ZNF610: variants seen among roughly 807,000 people sequenced by gnomAD.
ZNF610 encodes the protein zinc finger protein 610.
Under a neutral mutation model 14.1 loss-of-function variants are expected in ZNF610, and 14 were observed. That is an observed-to-expected ratio of 0.99 (90% CI 0.65 to 1.55). The LOEUF (loss-of-function observed/expected upper bound fraction) is 1.55. Among genes scored for constraint, ZNF610 ranks in the 40% most tolerant of loss-of-function variants. ZNF610 has a pLI of 0.00. For synonymous variants in ZNF610, 185 were observed against 187.6 expected (o/e 0.99, Z 0.11); for missense variants, 530 against 558.0 (o/e 0.95, Z 0.51).
intron 5 of ZNF610, among the ~76,000 whole-genome samples, chr19:52,360,271 A>T (rs1001935616): frequency 3.3e-5 from 5 of 152,182 alleles, no homozygotes; most frequent in African/African-American, 1.2e-4. Context: ...CTGTTTCCTG[A>T]GTTCTGCCCT....
At chr19:52,358,284 A>C (rs1985624768) in intron 5 of ZNF610, among the ~76,000 whole-genome samples, 1 of 152,150 alleles carries the variant, frequency 6.6e-6, no homozygotes, top group Non-Finnish European at 1.5e-5. Flanking sequence ...CCCGGGTTCA[A>C]GCGATTCTCC....
At chr19:52,354,869 A>G (rs1196560728) in intron 5 of ZNF610, among the ~76,000 whole-genome samples, 4 of 151,938 alleles carry the variant, frequency 2.6e-5, no homozygotes, top group African/African-American at 9.7e-5. Context: ...GTGAGCCACC[A>G]CACCCAGCCC....
intron 5 of ZNF610, among the ~76,000 whole-genome samples, chr19:52,365,424 C>T (rs1479150981): frequency 6.6e-6 from 1 of 152,070 alleles, no homozygotes; most frequent in African/African-American, 2.4e-5. Context: ...GAGGCTCATC[C>T]CTGCTTTTTC....
At chr19:52,340,318 GGTT>G (rs1984622393) in intron 1 of ZNF610, among the ~76,000 whole-genome samples, 3 of 152,158 alleles carry the variant, frequency 2.0e-5, no homozygotes, top group South Asian at 2.1e-4. Flanking sequence ...TGGAGGCAGA[GGTT>G]GTGGTGAGCT....
chr19:52,357,791 C>T (rs1052853712), intron 5 of ZNF610, among the ~76,000 whole-genome samples: 2 of 152,088 alleles, frequency 1.3e-5, no homozygotes, highest in Non-Finnish European at 2.9e-5. Context: ...GCACTGCAGC[C>T]TGGCTGACAC....
intron 5 of ZNF610, among the ~76,000 whole-genome samples, chr19:52,364,729 C>T (rs1985936530): frequency 6.6e-6 from 1 of 152,162 alleles, no homozygotes; most frequent in Admixed American, 6.5e-5. Context: ...AGGCATGTGC[C>T]AGCACAGCCA....
chr19:52,343,388 G>A (rs183756418), intron 1 of ZNF610, among the ~76,000 whole-genome samples: 248 of 152,088 alleles, frequency 1.6e-3, no homozygotes, highest in Non-Finnish European at 2.6e-3. Flanking sequence ...GCAACAGAAT[G>A]AGACCCTGTC....
intron 5 of ZNF610, among the ~76,000 whole-genome samples, chr19:52,359,644 A>G: frequency 6.6e-6 from 1 of 152,180 alleles, no homozygotes; most frequent in East Asian, 1.9e-4. Context: ...ACAATCTGTC[A>G]AGACAGAATA....
Position 52,354,353 on chromosome 19 carries a change from G to A in ZNF610, c.293G>A (p.Arg98Lys). ...AAAATAGTAAAAAATACAGATGGAA[G>A]GGAATGTGTCAGAAGCGTGAACACA... ...QVKIVKNTDG[R>K]ECVRSVNTGR... Residue 98 changes from arginine (R) to lysine (K), a missense_variant, in exon 5 of 6, where the codon AGG (arginine) becomes AAG (lysine). Physicochemically the swap from Arg to Lys is conservative, Grantham distance 26 (BLOSUM62 2). Transcript: ENST00000403906. The A allele has an allele frequency of 1.2e-6, 2 of 1,614,126 alleles. No individual in the cohort carries two copies. Among genetic ancestry groups the A allele is most frequent in the Non-Finnish European group, 1.7e-6 (2 of 1,180,018 alleles).
At chr19:52,349,363 A>G (rs560039820) in intron 3 of ZNF610, 128 bp downstream of exon 3, 15 of 1,358,440 alleles carry the variant, frequency 1.1e-5, no homozygotes, top group African/African-American at 4.3e-5. Flanking sequence ...CTTAGATTCT[A>G]TCTCTCGTGA....
At position 52,366,102 on chromosome 19, in the gene ZNF610, A is replaced by G; in HGVS notation, c.724A>G (p.Ser242Gly). The change falls in exon 6 of 6, where the codon AGT becomes GGT. Residue 242 changes from serine (S) to glycine (G), a missense_variant. Transcript: ENST00000403906. ...YKCTECGKVF[S>G]RNSHLVEHWR... is the part of the protein sequence containing the mutation. The stretch of plus-strand genomic sequence containing the variant: ...ATGTACTGAATGTGGCAAGGTCTTC[A>G]GTCGCAATTCACACCTTGTAGAACA... The G allele has an allele frequency of 2.5e-6, 4 of 1,614,178 alleles. No homozygotes were observed. Among genetic ancestry groups the G allele is most frequent in the Non-Finnish European group, 3.4e-6 (4 of 1,180,026 alleles).
chr19:52,366,986 A>G lies in ZNF610; in HGVS notation c.*219A>G, dbSNP rs1004242947. On this transcript the variant is annotated 3_prime_UTR_variant, in exon 6 of 6. Coordinates refer to ENST00000403906, the MANE Select transcript of ZNF610 (RefSeq NM_001161425.2). ...GAGAACAGTTATATCAGAATAGAGC[A>G]TTTAATGAAAACTACCAGTATAGCA... 1 of 488,676 alleles carries G rather than the reference A, an allele frequency of 2.0e-6. No homozygotes were observed. Among genetic ancestry groups the G allele is most frequent in the Non-Finnish European group, 3.5e-6 (1 of 281,712 alleles). The allele number at this position is 488,676 out of a possible 1,614,324, so 30.3% of individuals were successfully genotyped here. A position where few individuals can be genotyped will look rare whatever the true frequency, so the allele number is the denominator to read the frequency against.
At chr19:52,348,564 G>A (rs1439486691) in intron 2 of ZNF610, among the ~76,000 whole-genome samples, 2 of 152,088 alleles carry the variant, frequency 1.3e-5, no homozygotes. Context: ...CAGTCCTTTT[G>A]TTTAACCCTT....
In ZNF610 at chr19:52,367,664, TCTCTGTA is replaced by T. The variant is rs1363545540; in HGVS notation, c.*903_*909del. On this transcript the variant is annotated 3_prime_UTR_variant, in exon 6 of 6. Transcript: ENST00000403906. Reference sequence around the variant, plus strand: ...ATTACACTTAGTACTTGAGTTAGTTTCTCTGTACTCTGGTGTAGGATGTTTATGTGGG... The same window carrying T: ...ATTACACTTAGTACTTGAGTTAGTTTCTCTGGTGTAGGATGTTTATGTGGG... The T allele has an allele frequency of 6.6e-6, 1 of 151,746 alleles. No individual in the cohort carries two copies. Among genetic ancestry groups the T allele is most frequent in the Non-Finnish European group, 1.5e-5 (1 of 68,000 alleles). The allele number at this position is 151,746 out of a possible 1,614,324, so 9.4% of individuals were successfully genotyped here. A position where few individuals can be genotyped will look rare whatever the true frequency, so the allele number is the denominator to read the frequency against.
upstream of ZNF610, chr19:52,336,159 C>G (rs985793002): frequency 6.1e-6 from 1 of 164,118 alleles, no homozygotes; most frequent in African/African-American, 2.4e-5. Context: ...ACCCGGAAAA[C>G]AGAGGCACTG....
intron 1 of ZNF610, among the ~76,000 whole-genome samples, chr19:52,342,958 C>T (rs1004967126): frequency 1.3e-5 from 2 of 152,082 alleles, no homozygotes; most frequent in African/African-American, 4.8e-5. Context: ...TCTCGTCTTA[C>T]AGCTTCAAAC....
At chr19:52,361,613 ATTTT>A (rs199822502) in intron 5 of ZNF610, among the ~76,000 whole-genome samples, 26,825 of 151,592 alleles carry the variant, frequency 0.18, 2,607 homozygotes, top group East Asian at 0.25. Flanking sequence ...TTTAAAATTT[ATTTT>A]AATTTAAAAA....
intron 2 of ZNF610, chr19:52,348,185 T>C (rs150753791): frequency 6.6e-6 from 1 of 152,316 alleles, no homozygotes; most frequent in Non-Finnish European, 1.5e-5. Context: ...TGAAATGGTC[T>C]GAAAACACAT....
chr19:52,359,915 A>T (rs1985699056), intron 5 of ZNF610, among the ~76,000 whole-genome samples: 1 of 152,172 alleles, frequency 6.6e-6, no homozygotes. Flanking sequence ...TGTCTCACAG[A>T]ACTCACAGAA....
Sources: allele counts gnomAD v4.1 joint callset (sites outside exome capture counted in the v4.1 genomes callset), GRCh38; gene constraint gnomAD v4.1.1; transcripts MANE v1.5; gene names NCBI Gene and HGNC (gene_info 2026-07-23, HGNC 2026-07-21).